The following NR1H4 variants were observed in gnomAD, a reference collection of about 807,000 sequenced individuals.
NR1H4 encodes the protein bile acid receptor.
NR1H4 carries 23 observed loss-of-function variants against 58.5 expected under a neutral mutation model. The ratio of observed to expected loss-of-function variants is 0.39; its 90% CI spans 0.28 to 0.56. NR1H4 has a LOEUF of 0.56. NR1H4 is among the 20% of genes least tolerant of loss of function. The probability of loss-of-function intolerance (pLI) is 0.58; values close to 1 mark genes in which losing one functional copy is unlikely to be tolerated. For missense variants in NR1H4, 487 were observed against 576.9 expected, an observed-to-expected ratio of 0.84 and a Z score of 1.60; for synonymous variants, 214 against 198.0, an observed-to-expected ratio of 1.08 and a Z score of -0.68.
intron 4 of NR1H4, among the ~76,000 whole-genome samples, chr12:100,515,160 C>T (rs1593078527): frequency 7.3e-6 from 1 of 137,272 alleles, no homozygotes; most frequent in Admixed American, 7.3e-5. Context: ...GCCATTTTGT[C>T]AAAGCTTTTT....
chr12:100,507,110 G>T (rs1243449074), intron 3 of NR1H4, among the ~76,000 whole-genome samples: 1 of 152,158 alleles, frequency 6.6e-6, no homozygotes, highest in Non-Finnish European at 1.5e-5. Flanking sequence ...ATCGGTTTTT[G>T]ATCTTGGGCA....
intron 4 of NR1H4, among the ~76,000 whole-genome samples, chr12:100,531,913 C>T (rs1954703053): frequency 6.6e-6 from 1 of 152,120 alleles, no homozygotes; most frequent in Admixed American, 6.5e-5. Context: ...TCCCTGAATG[C>T]CTGGTTAACA....
rs181129660 is a variant in NR1H4, at chr12:100,556,257, C to T, written c.1079-5628C>T. ...CTGAGGCGGGTGGATCACCTGAGGT[C>T]GGGAGTTCGAGACCAGCCTGACCAA... On this transcript the variant is annotated intron_variant, in intron 9 of 10. Transcript: ENST00000392986. Among the ~76,000 whole-genome samples, 1,168 of 152,060 alleles carry T rather than the reference C, an allele frequency of 7.7e-3. 13 individuals are homozygous for T. Among genetic ancestry groups the T allele is most frequent in the African/African-American group, 0.025 (1,054 of 41,482 alleles).
At chr12:100,496,452 C>T (rs1953716827) in intron 3 of NR1H4, among the ~76,000 whole-genome samples, 1 of 152,124 alleles carries the variant, frequency 6.6e-6, no homozygotes, top group South Asian at 2.1e-4. Flanking sequence ...AGTGCAACGG[C>T]CCAAAGTCTG....
intron 3 of NR1H4, among the ~76,000 whole-genome samples, chr12:100,504,401 A>G (rs985952752): frequency 6.6e-6 from 1 of 152,218 alleles, no homozygotes; most frequent in African/African-American, 2.4e-5. Flanking sequence ...CCGACACTGT[A>G]TTTAGAAATG....
chr12:100,508,630 C>T (rs542803800), intron 3 of NR1H4, among the ~76,000 whole-genome samples: 2 of 152,182 alleles, frequency 1.3e-5, no homozygotes, highest in East Asian at 1.9e-4. Flanking sequence ...TAATGTTACC[C>T]ACCTCATAGA....
chr12:100,539,386 T>TG (rs1954885955), intron 8 of NR1H4, among the ~76,000 whole-genome samples: 1 of 152,190 alleles, frequency 6.6e-6, no homozygotes, highest in South Asian at 2.1e-4. Context: ...GAGCACAACC[T>TG]GTGCCAGGCA....
chr12:100,546,598 G>A (rs547230594), intron 9 of NR1H4, among the ~76,000 whole-genome samples: 1 of 152,192 alleles, frequency 6.6e-6, no homozygotes, highest in Non-Finnish European at 1.5e-5. Context: ...AGGAGGCTGA[G>A]GCAGGAGAAT....
intron 4 of NR1H4, among the ~76,000 whole-genome samples, chr12:100,523,127 C>G (rs1954468721): frequency 6.6e-6 from 1 of 152,130 alleles, no homozygotes; most frequent in Non-Finnish European, 1.5e-5. Flanking sequence ...TAAGAAATCT[C>G]CATAACGTTT....
At chr12:100,490,971 T>C (rs1453921706) in intron 1 of NR1H4, among the ~76,000 whole-genome samples, 1 of 152,156 alleles carries the variant, frequency 6.6e-6, no homozygotes. Context: ...AATTTTTAAA[T>C]TTTTATTAGA....
intron 1 of NR1H4, among the ~76,000 whole-genome samples, chr12:100,490,864 C>T (rs1953590362): frequency 6.6e-6 from 1 of 152,274 alleles, no homozygotes; most frequent in East Asian, 1.9e-4. Context: ...GATCAGAGTT[C>T]ACTGCAGCCT....
chr12:100,487,164 T>A (rs1337511781), intron 1 of NR1H4, among the ~76,000 whole-genome samples: 2 of 152,158 alleles, frequency 1.3e-5, no homozygotes, highest in African/African-American at 4.8e-5. Flanking sequence ...AAAAAATTGT[T>A]CAAAGTGAGA....
intron 4 of NR1H4, among the ~76,000 whole-genome samples, chr12:100,526,518 A>G (rs1280816315): frequency 6.6e-6 from 1 of 151,872 alleles, no homozygotes; most frequent in African/African-American, 2.4e-5. Flanking sequence ...TAAGCTCACA[A>G]CTCTCCCGGC....
chr12:100,478,985 G>A (rs1953326213), intron 1 of NR1H4, among the ~76,000 whole-genome samples: 1 of 152,068 alleles, frequency 6.6e-6, no homozygotes, highest in African/African-American at 2.4e-5. Flanking sequence ...ATTATTATTA[G>A]TTTCAGATAT....
chr12:100,534,768 G>A (rs1214923940), intron 5 of NR1H4, 122 bp from the exon 6 acceptor site: 1 of 1,096,532 alleles, frequency 9.1e-7, no homozygotes, highest in East Asian at 2.4e-5. Flanking sequence ...TAAAAGGCTA[G>A]CGTTAGTTCT....
chr12:100,522,178 A>ATGATGG (rs1342892552), intron 4 of NR1H4, among the ~76,000 whole-genome samples: 2 of 151,730 alleles, frequency 1.3e-5, no homozygotes, highest in East Asian at 3.9e-4. Flanking sequence ...GATAATGATG[A>ATGATGG]TGATGGTGAT....
At position 100,509,461 on chromosome 12, in the gene NR1H4, ATTG is replaced by A. The variant is rs1593069110; in HGVS notation, c.80-1314_80-1312del. ...TTTAATAATGATGGTAGTAAGAATAATTGTTATTATTCCTATTTTAAGTCAGCT... is the reference window on the plus strand; with the variant it reads ...TTTAATAATGATGGTAGTAAGAATAATTATTATTCCTATTTTAAGTCAGCT... On this transcript the variant is annotated intron_variant, in intron 3 of 10. Coordinates refer to ENST00000392986, the MANE Select transcript of NR1H4 (RefSeq NM_001206979.2). Among the ~76,000 whole-genome samples the A allele has an allele frequency of 6.6e-5, 10 of 152,210 alleles. No individual in the cohort carries two copies. The East Asian group carries it at 1.9e-3, about 29-fold the overall frequency.
chr12:100,562,774 T>C (rs1955504658), intron 10 of NR1H4, among the ~76,000 whole-genome samples: 2 of 152,244 alleles, frequency 1.3e-5, no homozygotes, highest in East Asian at 3.8e-4. Context: ...AATGATGCCA[T>C]GCTCATGATT....
chr12:100,509,915 GCACACACACA>G (rs139809053), intron 3 of NR1H4, among the ~76,000 whole-genome samples: 1 of 131,632 alleles, frequency 7.6e-6, no homozygotes, highest in African/African-American at 3.4e-5. Flanking sequence ...GCACGTGCGC[GCACACACACA>G]CACACACACA....
Sources: gnomAD v4.1 joint callset for allele counts (sites outside exome capture counted in the v4.1 genomes callset) on GRCh38, gnomAD v4.1.1 for gene constraint, MANE v1.5 for transcripts, NCBI Gene and HGNC (gene_info 2026-07-23, HGNC 2026-07-21) for gene names.